Variants in CYP39A1 observed in about 807,000 individuals in gnomAD.
The protein encoded by CYP39A1 is 24-hydroxycholesterol 7-alpha-hydroxylase.
In CYP39A1, 49 loss-of-function variants were observed where a neutral mutation model predicts 58.1. The ratio of observed to expected loss-of-function variants is 0.84; its 90% CI spans 0.67 to 1.07. The LOEUF is 1.07. Ranked by LOEUF, CYP39A1 falls within the 50% of genes least tolerant of loss-of-function variation. The pLI is 0.00. For synonymous variants in CYP39A1, 209 were observed against 187.6 expected, an observed-to-expected ratio of 1.11 and a Z score of -0.93; for missense variants, 531 against 539.4, an observed-to-expected ratio of 0.98 and a Z score of 0.16.
intron 5 of CYP39A1, among the ~76,000 whole-genome samples, chr6:46,633,737 G>A (rs1450527554): frequency 6.6e-6 from 1 of 151,904 alleles, no homozygotes; most frequent in Non-Finnish European, 1.5e-5. Flanking sequence ...TGTGCCTGTA[G>A]TCCCAGCTAC....
At chr6:46,565,487 T>TA (rs574574649) in intron 10 of CYP39A1, among the ~76,000 whole-genome samples, 18 of 144,012 alleles carry the variant, frequency 1.2e-4, no homozygotes, top group South Asian at 2.2e-4. Context: ...GAAGAAAACA[T>TA]AAAAAAAAGA....
At chr6:46,581,838 C>A (rs138304560) in intron 10 of CYP39A1, among the ~76,000 whole-genome samples, 1 of 152,292 alleles carries the variant, frequency 6.6e-6, no homozygotes, top group African/African-American at 2.4e-5. Context: ...TTCTTCTGTT[C>A]TTGACATACT....
chr6:46,608,822 C>T (rs2150545798), intron 7 of CYP39A1, among the ~76,000 whole-genome samples: 1 of 152,024 alleles, frequency 6.6e-6, no homozygotes, highest in South Asian at 2.1e-4. Context: ...CTATATTGGC[C>T]AGGCTGGTCT....
chr6:46,620,898 T>C (rs557968880), intron 7 of CYP39A1, among the ~76,000 whole-genome samples: 21 of 143,598 alleles, frequency 1.5e-4, no homozygotes, highest in African/African-American at 5.6e-4. Flanking sequence ...TTAAGGAAAA[T>C]AACTAAACAA....
intron 10 of CYP39A1, among the ~76,000 whole-genome samples, chr6:46,570,457 G>T (rs1015471754): frequency 4.0e-5 from 6 of 151,898 alleles, no homozygotes; most frequent in East Asian, 3.9e-4. Context: ...CTTAATGTAG[G>T]TGTTTATCAC....
At chr6:46,605,661 C>CCT (rs1773802754) in intron 7 of CYP39A1, among the ~76,000 whole-genome samples, 1 of 152,106 alleles carries the variant, frequency 6.6e-6, no homozygotes, top group African/African-American at 2.4e-5. Context: ...CTACCTCTTG[C>CCT]CTCCTCTCCC....
intron 9 of CYP39A1, 116 bp from the exon 10 acceptor site, chr6:46,587,281 G>C: frequency 1.4e-6 from 1 of 718,492 alleles, no homozygotes; most frequent in Non-Finnish European, 2.4e-6. Context: ...AAGTTGCAGG[G>C]TTGTTGGTAA....
intron 1 of CYP39A1, among the ~76,000 whole-genome samples, chr6:46,650,460 A>T (rs184204761): frequency 6.9e-6 from 1 of 145,838 alleles, no homozygotes; most frequent in Admixed American, 6.9e-5. Flanking sequence ...TTAGTAGTAA[A>T]ACATCAAATA....
At chr6:46,649,000 C>A (rs1052175931) in intron 1 of CYP39A1, among the ~76,000 whole-genome samples, 11 of 152,146 alleles carry the variant, frequency 7.2e-5, no homozygotes, top group Non-Finnish European at 1.3e-4. Context: ...CAGTTTGAAG[C>A]ATAAACAAAA....
At chr6:46,623,491 T>G (rs1040159802) in intron 7 of CYP39A1, among the ~76,000 whole-genome samples, 1 of 152,166 alleles carries the variant, frequency 6.6e-6, no homozygotes, top group Non-Finnish European at 1.5e-5. Flanking sequence ...GTGGGCTCAG[T>G]AAAGTAGGCT....
chr6:46,576,515 A>G (rs958509881), intron 10 of CYP39A1, among the ~76,000 whole-genome samples: 2 of 152,224 alleles, frequency 1.3e-5, no homozygotes, highest in Admixed American at 6.5e-5. Context: ...ATCTGAAATG[A>G]CAGATATAGA....
intron 8 of CYP39A1, among the ~76,000 whole-genome samples, chr6:46,588,885 C>G (rs1018913388): frequency 1.6e-4 from 24 of 152,068 alleles, no homozygotes; most frequent in African/African-American, 5.3e-4. Context: ...TTTTCATGAT[C>G]TATAAACTAT....
At chr6:46,613,795 C>T (rs1195142693) in intron 7 of CYP39A1, among the ~76,000 whole-genome samples, 4 of 150,264 alleles carry the variant, frequency 2.7e-5, no homozygotes, top group Non-Finnish European at 1.5e-5. Context: ...CTTTATAACA[C>T]AGCCTACACA....
Position 46,620,313 on chromosome 6 carries a change from G to A in CYP39A1, c.931+5105C>T, listed in dbSNP as rs75894952. ...CAGTACTACAGTATTCTCATTATGCGACAAGTTTGGCAGTTTCCTAGAAGA... is the reference window on the plus strand; with the variant it reads ...CAGTACTACAGTATTCTCATTATGCAACAAGTTTGGCAGTTTCCTAGAAGA... On this transcript the variant is annotated intron_variant, in intron 7 of 11. Transcript: ENST00000275016. Among the ~76,000 whole-genome samples the A allele has an allele frequency of 6.6e-3, 1,010 of 152,158 alleles. 10 individuals carry two copies. The highest frequency in any genetic ancestry group is 0.023 in the African/African-American group (950 of 41,522).
intron 7 of CYP39A1, among the ~76,000 whole-genome samples, chr6:46,619,194 T>C (rs1168542556): frequency 6.6e-6 from 1 of 152,142 alleles, no homozygotes; most frequent in African/African-American, 2.4e-5. Flanking sequence ...AGTCTTTATA[T>C]AAAACATTCG....
intron 8 of CYP39A1, among the ~76,000 whole-genome samples, chr6:46,592,244 T>C (rs899170344): frequency 2.0e-5 from 3 of 152,068 alleles, no homozygotes; most frequent in Admixed American, 6.6e-5. Flanking sequence ...GGAAGGGTGG[T>C]GGGAGAATAC....
chr6:46,639,658 T>C lies in CYP39A1; in HGVS notation c.324A>G (p.Pro108=), dbSNP rs1776208066. The C allele has an allele frequency of 6.2e-7, 1 of 1,611,674 alleles. No homozygotes were observed. Among genetic ancestry groups the C allele is most frequent in the South Asian group, 1.1e-5 (1 of 90,694 alleles). The change falls in exon 3 of 12, where the codon CCA becomes CCG. Residue 108 remains proline (P), a synonymous_variant. Coordinates refer to ENST00000275016, the MANE Select transcript of CYP39A1 (RefSeq NM_016593.5). The part of the protein sequence containing the change: ...QNIVYRTASI[P]KNVFLALHEK... ...CATGCAGTGCTAAAAAGACATTCTT[T>C]GGAATTGATGCTATGAACAAAGAAA...
rs35833432 is a variant in CYP39A1, at chr6:46,602,689, CAAAA to C, written c.932-6573_932-6570del. ...CAGCTGGGTGTGGTGGTGCACGTCT[CAAAA>C]AAAAAAAAAAAAAAAAAAAAGAACC... is the stretch of plus-strand genomic sequence containing the variant. On this transcript the variant is annotated intron_variant, in intron 7 of 11. Transcript: ENST00000275016. 6.4e-5 allele frequency among the ~76,000 whole-genome samples: 3 copies of C among 46,894 alleles called. No homozygotes were observed. The East Asian group carries it at 2.4e-3, about 38-fold the overall frequency. 30.8% of individuals were successfully genotyped at this position (46,894 alleles called of 152,430 possible).
intron 7 of CYP39A1, among the ~76,000 whole-genome samples, chr6:46,624,451 C>T (rs1775175508): frequency 6.6e-6 from 1 of 152,068 alleles, no homozygotes; most frequent in Admixed American, 6.6e-5. Flanking sequence ...CTCACCATTT[C>T]TATAAGGTCC....
Sources: gnomAD v4.1 joint callset for allele counts (sites outside exome capture counted in the v4.1 genomes callset) on GRCh38, gnomAD v4.1.1 for gene constraint, MANE v1.5 for transcripts, NCBI Gene and HGNC (gene_info 2026-07-23, HGNC 2026-07-21) for gene names.